DTNB: variants seen among roughly 807,000 people sequenced by gnomAD.
DTNB encodes dystrobrevin beta.
DTNB carries 63 observed loss-of-function variants against 90.7 expected under a neutral mutation model. That is an observed-to-expected ratio of 0.69 (90% CI 0.57 to 0.86). The LOEUF (loss-of-function observed/expected upper bound fraction) is 0.86, where lower values mean the gene tolerates loss of function less well. Among genes scored for constraint, DTNB ranks in the 40% least tolerant of loss-of-function variants. DTNB has a pLI of 0.00. For missense variants in DTNB, 744 were observed against 807.1 expected (o/e 0.92, Z 0.95); for synonymous variants, 277 against 286.7 (o/e 0.97, Z 0.34).
Position 25,401,771 on chromosome 2 carries a change from C to T in DTNB, c.1576-13410G>A, listed in dbSNP as rs72849874. Reference sequence around the variant, plus strand: ...AACTGCATCCCCCTCCACACGCACACGCAACTACAACTTGGAGCTAAGCTG... The same window carrying T: ...AACTGCATCCCCCTCCACACGCACATGCAACTACAACTTGGAGCTAAGCTG... On this transcript the variant is annotated intron_variant, in intron 16 of 20. Coordinates refer to ENST00000406818, the MANE Select transcript of DTNB (RefSeq NM_021907.5). Among the ~76,000 whole-genome samples, 987 of 152,302 alleles carry T rather than the reference C, an allele frequency of 6.5e-3. 9 individuals are homozygous for T. The highest frequency in any genetic ancestry group is 0.022 in the African/African-American group (919 of 41,556).
chr2:25,639,097 G>GA lies in DTNB; in HGVS notation c.68-4dup. The GA allele has an allele frequency of 1.3e-6, 2 of 1,569,474 alleles. No individual in the cohort carries two copies. Among genetic ancestry groups the GA allele is most frequent in the Non-Finnish European group, 8.7e-7 (1 of 1,153,664 alleles). ...TATGACATCAAAATTCTGAGCACCT[G>GA]AAAAAAGGCAAACAGAAATGCTCAA... On this transcript the variant is annotated splice_polypyrimidine_tract_variant and splice_region_variant and intron_variant, in intron 2 of 20. Transcript: ENST00000406818.
intron 2 of DTNB, among the ~76,000 whole-genome samples, chr2:25,646,723 A>G (rs1407182981): frequency 6.6e-6 from 1 of 152,060 alleles, no homozygotes; most frequent in Non-Finnish European, 1.5e-5. Context: ...GACCAAACCA[A>G]TATGTTTCTT....
chr2:25,643,204 C>T (rs1402669295), intron 2 of DTNB, among the ~76,000 whole-genome samples: 1 of 152,102 alleles, frequency 6.6e-6, no homozygotes, highest in Non-Finnish European at 1.5e-5. Flanking sequence ...CCAACTGCAC[C>T]CAGTCCTCTC....
intron 10 of DTNB, among the ~76,000 whole-genome samples, chr2:25,461,107 T>G (rs191502720): frequency 1.6e-3 from 242 of 152,314 alleles, no homozygotes; most frequent in Admixed American, 2.8e-3. Context: ...TTTTGCCATG[T>G]TGGCCAGGCT....
intron 8 of DTNB, among the ~76,000 whole-genome samples, chr2:25,538,696 C>T (rs1407099741): frequency 2.6e-5 from 4 of 152,184 alleles, no homozygotes; most frequent in Non-Finnish European, 5.9e-5. Context: ...AGTTGAACCA[C>T]CCACCTCAGC....
At chr2:25,649,868 A>C (rs1303797653) in intron 2 of DTNB, 3 of 239,138 alleles carry the variant, frequency 1.3e-5, no homozygotes, top group Non-Finnish European at 6.8e-6. Context: ...GGCTGGAAAA[A>C]GGTGATTCTG....
At chr2:25,587,469 GAA>G (rs2062664688) in intron 6 of DTNB, among the ~76,000 whole-genome samples, 1 of 152,130 alleles carries the variant, frequency 6.6e-6, no homozygotes, top group African/African-American at 2.4e-5. Context: ...TGGAAGTCCA[GAA>G]TGGGACTGCA....
intron 8 of DTNB, among the ~76,000 whole-genome samples, chr2:25,557,773 CA>C (rs1353915152): frequency 1.5e-4 from 23 of 152,164 alleles, no homozygotes; most frequent in Admixed American, 2.0e-4. Flanking sequence ...AAAATTGAGA[CA>C]GGGGTAAAAC....
At chr2:25,390,951 C>G (rs1010063631) in intron 16 of DTNB, among the ~76,000 whole-genome samples, 6 of 143,010 alleles carry the variant, frequency 4.2e-5, no homozygotes, top group African/African-American at 1.6e-4. Flanking sequence ...GGCTGGAGTG[C>G]AGTGGTGCAA....
intron 3 of DTNB, among the ~76,000 whole-genome samples, chr2:25,634,026 G>A (rs982949677): frequency 2.0e-5 from 3 of 151,834 alleles, no homozygotes; most frequent in Admixed American, 6.5e-5. Flanking sequence ...CAGCCACCCC[G>A]TCTGGGAAGT....
chr2:25,646,555 G>A (rs569688243), intron 2 of DTNB, among the ~76,000 whole-genome samples: 132 of 151,950 alleles, frequency 8.7e-4, no homozygotes, highest in Middle Eastern at 3.5e-3. Context: ...ATGAGAAAAC[G>A]CTAGTCTCCA....
chr2:25,432,821 TTTCCTCAGA>T lies in DTNB; in HGVS notation c.1457+56_1457+64del. 3 of 1,495,510 alleles carry T rather than the reference TTTCCTCAGA, an allele frequency of 2.0e-6. No homozygotes were observed. The South Asian group carries it at 3.6e-5, about 18-fold the overall frequency. 92.6% of individuals were successfully genotyped at this position (1,495,510 alleles called of 1,614,324 possible). A position where few individuals can be genotyped will look rare whatever the true frequency, so the allele number is the denominator to read the frequency against. ...AACAGATTCTACCCCACTCCTTTGG[TTTCCTCAGA>T]TAAGTTCCATCCATAGTAGATTACA... On this transcript the variant is annotated intron_variant, in intron 14 of 20. Transcript: ENST00000406818.
chr2:25,541,297 G>A (rs2081199947), intron 8 of DTNB, among the ~76,000 whole-genome samples: 1 of 151,960 alleles, frequency 6.6e-6, no homozygotes, highest in African/African-American at 2.4e-5. Flanking sequence ...TGGTCAACAT[G>A]GTGAAACGCT....
Position 25,632,667 on chromosome 2 carries a change from A to C in DTNB, c.149-4283T>G, listed in dbSNP as rs548930865. Among the ~76,000 whole-genome samples the C allele has an allele frequency of 8.9e-4, 135 of 152,110 alleles. 1 individual carries two copies. Among genetic ancestry groups the C allele is most frequent in the Admixed American group, 1.2e-3 (18 of 15,286 alleles). On this transcript the variant is annotated intron_variant, in intron 3 of 20. Coordinates refer to ENST00000406818, the MANE Select transcript of DTNB (RefSeq NM_021907.5). ...GGTGTGCATGGCCTCCAGACTCTGC[A>C]GAGAGTCCCCAGCAGCAAGATGGTT...
chr2:25,559,771 G>A (rs2057969330), intron 8 of DTNB, among the ~76,000 whole-genome samples: 1 of 152,174 alleles, frequency 6.6e-6, no homozygotes, highest in South Asian at 2.1e-4. Context: ...TTACCTGGTT[G>A]GGCCCAAAAT....
At chr2:25,391,372 T>G (rs1006212315) in intron 16 of DTNB, among the ~76,000 whole-genome samples, 1 of 152,306 alleles carries the variant, frequency 6.6e-6, no homozygotes, top group East Asian at 1.9e-4. Context: ...ACATGATCTA[T>G]ATATAAAATA....
chr2:25,467,648 C>A (rs1007454416), intron 10 of DTNB, among the ~76,000 whole-genome samples: 1 of 151,888 alleles, frequency 6.6e-6, no homozygotes, highest in Non-Finnish European at 1.5e-5. Context: ...AGTAATGGAC[C>A]ACAACATGCT....
rs1306273840 is a variant in DTNB at position 25,433,015 on chromosome 2, G to A, written c.1344-16C>T. The A allele has an allele frequency of 1.3e-6, 2 of 1,587,156 alleles. No individual in the cohort carries two copies. Among genetic ancestry groups the A allele is most frequent in the African/African-American group, 2.7e-5 (2 of 74,648 alleles). On this transcript the variant is annotated splice_polypyrimidine_tract_variant and intron_variant, in intron 13 of 20. Coordinates refer to ENST00000406818, the MANE Select transcript of DTNB (RefSeq NM_021907.5). ...CAGGATCTCTCTAGAGAGGATGGGT[G>A]AACGGAAAGGGGCTGCACAGTGCTT... is the stretch of plus-strand genomic sequence containing the variant.
intron 9 of DTNB, among the ~76,000 whole-genome samples, chr2:25,513,785 C>G (rs1051661610): frequency 3.3e-5 from 5 of 149,388 alleles, no homozygotes; most frequent in African/African-American, 7.4e-5. Flanking sequence ...AGAAATAAAG[C>G]CTGCCTCATT....
Sources: gnomAD v4.1 joint callset for allele counts (sites outside exome capture counted in the v4.1 genomes callset) on GRCh38, gnomAD v4.1.1 for gene constraint, MANE v1.5 for transcripts, NCBI Gene and HGNC (gene_info 2026-07-23, HGNC 2026-07-21) for gene names.